Variants in C3orf20 observed in about 807,000 individuals in gnomAD.
C3orf20 encodes the protein uncharacterized protein C3orf20.
In C3orf20, 76 loss-of-function variants were observed where a neutral mutation model predicts 88.3. The observed-to-expected ratio is 0.86, with a 90% CI of 0.72 to 1.04. C3orf20 has a LOEUF of 1.04. C3orf20 is among the 50% of genes least tolerant of loss of function. The pLI is 0.00. For missense variants in C3orf20, 1,056 were observed against 1,123.3 expected, an observed-to-expected ratio of 0.94 and a Z score of 0.86; for synonymous variants, 436 against 437.4, an observed-to-expected ratio of 1.00 and a Z score of 0.04.
chr3:14,731,096 C>A (rs930141491), intron 12 of C3orf20, among the ~76,000 whole-genome samples: 2 of 152,128 alleles, frequency 1.3e-5, no homozygotes, highest in Non-Finnish European at 2.9e-5. Flanking sequence ...CCATCACCCC[C>A]CAACCAAGAG....
chr3:14,694,496 T>G (rs1053204291), intron 5 of C3orf20, among the ~76,000 whole-genome samples: 1 of 152,200 alleles, frequency 6.6e-6, no homozygotes, highest in Non-Finnish European at 1.5e-5. Flanking sequence ...TAATAGGGAC[T>G]AATGATCCTT....
rs771194551 is a variant in C3orf20 at position 14,772,798 on chromosome 3, G to C, written c.2638G>C (p.Glu880Gln). 10 of 1,613,702 alleles carry C rather than the reference G, an allele frequency of 6.2e-6. No homozygotes were observed. Among genetic ancestry groups the C allele is most frequent in the Middle Eastern group, 1.7e-4 (1 of 6,048 alleles). ...ELSLEAEKTR[E>Q]PEVELHPLSR... The stretch of plus-strand genomic sequence containing the variant: ...CTCTATTTTGATCTTTAGGACAAGA[G>C]AGCCTGAAGTGGAGCTACATCCTCT... Residue 880 changes from glutamate to glutamine, a missense_variant, in exon 17 of 17, where the codon GAG becomes CAG. By Grantham distance (29) the Glu-to-Gln change is conservative. Transcript: ENST00000253697. The surrounding 1 kb of genome is among the most constrained non-coding windows in gnomAD (Gnocchi z 4.2).
At chr3:14,735,799 T>A (rs2034690417) in intron 12 of C3orf20, among the ~76,000 whole-genome samples, 1 of 152,142 alleles carries the variant, frequency 6.6e-6, no homozygotes, top group Admixed American at 6.5e-5. Context: ...TTCACCATGT[T>A]GGCCAGGCTG....
At chr3:14,681,841 C>G (rs1013908231) in intron 1 of C3orf20, among the ~76,000 whole-genome samples, 2 of 152,004 alleles carry the variant, frequency 1.3e-5, no homozygotes, top group African/African-American at 4.8e-5. Context: ...TTTATGCTTC[C>G]TTTCTTCAAC....
rs2033851995 is a variant in C3orf20, at chr3:14,714,086, A to C, written c.1240A>C (p.Ile414Leu). Residue 414 changes from isoleucine to leucine, a missense_variant, in exon 8 of 17, where the codon ATA becomes CTA. Coordinates refer to ENST00000253697, the MANE Select transcript of C3orf20 (RefSeq NM_032137.5). ...GRTITCLFND[I>L]PGFSLLALFN... Reference sequence around the variant, plus strand: ...AACCATCACCTGCCTCTTTAATGACATACCTGGATTCTCCTTGCTGGCCCT... The same window carrying C: ...AACCATCACCTGCCTCTTTAATGACCTACCTGGATTCTCCTTGCTGGCCCT... 3.1e-6 allele frequency: 5 copies of C among 1,613,988 alleles called. No individual in the cohort carries two copies. The highest frequency in any genetic ancestry group is 1.3e-5 in the African/African-American group (1 of 74,910).
chr3:14,722,646 T>C, intron 10 of C3orf20: 2 of 451,180 alleles, frequency 4.4e-6, no homozygotes, highest in South Asian at 1.6e-5. Context: ...TTCAAGTCTA[T>C]CGTCTCCACA....
At chr3:14,722,004 G>T in intron 10 of C3orf20, 1 of 548,872 alleles carries the variant, frequency 1.8e-6, no homozygotes, top group Non-Finnish European at 3.2e-6. Flanking sequence ...ACAGAATCCA[G>T]TGTGGACTAG....
intron 12 of C3orf20, among the ~76,000 whole-genome samples, chr3:14,733,892 T>C (rs2034618800): frequency 6.6e-6 from 1 of 152,194 alleles, no homozygotes; most frequent in Admixed American, 6.5e-5. Flanking sequence ...TTTCACCATG[T>C]TGGCCAGGAT....
intron 15 of C3orf20, among the ~76,000 whole-genome samples, chr3:14,765,895 G>C (rs1313716352): frequency 6.6e-6 from 1 of 152,244 alleles, no homozygotes; most frequent in Non-Finnish European, 1.5e-5. Context: ...GGGAAGAAAG[G>C]GTCCCCACGG....
At chr3:14,685,485 CG>C (rs1559395179) in intron 4 of C3orf20, among the ~76,000 whole-genome samples, 94 of 141,502 alleles carry the variant, frequency 6.6e-4, no homozygotes, top group African/African-American at 2.3e-3. Context: ...TCTCTCTGTG[CG>C]TGCGTGCGTG....
chr3:14,695,796 A>G (rs2124918618), intron 5 of C3orf20, among the ~76,000 whole-genome samples: 1 of 152,264 alleles, frequency 6.6e-6, no homozygotes, highest in Admixed American at 6.5e-5. Flanking sequence ...TTGTCTAAGT[A>G]TAGCTACTCC....
chr3:14,763,410 C>G (rs1296559684), intron 15 of C3orf20, among the ~76,000 whole-genome samples: 1 of 152,072 alleles, frequency 6.6e-6, no homozygotes, highest in African/African-American at 2.4e-5. Flanking sequence ...AAGGGTCTCT[C>G]TGGGGCCTGT....
intron 12 of C3orf20, among the ~76,000 whole-genome samples, chr3:14,755,486 G>A (rs1257022043): frequency 6.6e-6 from 1 of 152,114 alleles, no homozygotes; most frequent in African/African-American, 2.4e-5. Flanking sequence ...ATAATTAATA[G>A]ATCCAGTCTC....
At chr3:14,721,893 C>T in intron 10 of C3orf20, 109 bp downstream of exon 10, 1 of 1,398,170 alleles carries the variant, frequency 7.2e-7, no homozygotes, top group Non-Finnish European at 9.8e-7. Flanking sequence ...CCCTTCCATG[C>T]AAGGCCCTGC....
intron 9 of C3orf20, among the ~76,000 whole-genome samples, chr3:14,718,202 C>T (rs1251275614): frequency 6.6e-6 from 1 of 152,054 alleles, no homozygotes; most frequent in Non-Finnish European, 1.5e-5. Flanking sequence ...CCCAAGGGTT[C>T]CTAAAGCTCT....
intron 7 of C3orf20, among the ~76,000 whole-genome samples, chr3:14,708,387 G>T (rs960021423): frequency 4.0e-5 from 6 of 151,884 alleles, no homozygotes; most frequent in Middle Eastern, 3.4e-3. Flanking sequence ...TAACACGTAT[G>T]TCTGTCTTTA....
chr3:14,761,610 A>AT lies in C3orf20; in HGVS notation c.2492dup (p.Ser832GlnfsTer13). 6.2e-7 allele frequency: 1 copy of AT among 1,613,926 alleles called. No individual in the cohort carries two copies. The highest frequency in any genetic ancestry group is 8.5e-7 in the Non-Finnish European group (1 of 1,179,948). On this transcript the variant is annotated frameshift_variant, in exon 15 of 17. Coordinates refer to ENST00000253697, the MANE Select transcript of C3orf20 (RefSeq NM_032137.5). LOFTEE classifies it high-confidence loss of function. ...GCTACTTCCTGCCGGATGACTACAA[A>AT]TTCAGGTAAAACAGGAAACACGCAG...
At chr3:14,719,063 A>G (rs1426297963) in intron 9 of C3orf20, among the ~76,000 whole-genome samples, 1 of 151,436 alleles carries the variant, frequency 6.6e-6, no homozygotes, top group Non-Finnish European at 1.5e-5. Context: ...CTTTCTTTTG[A>G]ATTTTGACTC....
chr3:14,753,697 C>G (rs1332784939), intron 12 of C3orf20, among the ~76,000 whole-genome samples: 2 of 152,072 alleles, frequency 1.3e-5, no homozygotes, highest in African/African-American at 4.8e-5. Flanking sequence ...AATCAAATTT[C>G]ACCTTTTCCT....
Sources: gnomAD v4.1 joint callset for allele counts (sites outside exome capture counted in the v4.1 genomes callset) on GRCh38, gnomAD v4.1.1 for gene constraint, Gnocchi (gnomAD v3.1) non-coding constraint, MANE v1.5 for transcripts, NCBI Gene and HGNC (gene_info 2026-07-23, HGNC 2026-07-21) for gene names.